PIEZO2: variants seen among roughly 807,000 people sequenced by gnomAD.
PIEZO2 encodes piezo-type mechanosensitive ion channel component 2.
In PIEZO2, 172 loss-of-function variants were observed where a neutral mutation model predicts 337.3. The ratio of observed to expected loss-of-function variants is 0.51; its 90% CI spans 0.45 to 0.58. The LOEUF is 0.58. Ranked by LOEUF, PIEZO2 falls within the 20% of genes least tolerant of loss-of-function variation. The pLI, the probability that PIEZO2 is intolerant of heterozygous loss-of-function variation, is 0.00. For synonymous variants in PIEZO2, 1,251 were observed against 1,228.5 expected, an observed-to-expected ratio of 1.02 and a Z score of -0.38; for missense variants, 3,028 against 3,391.3, an observed-to-expected ratio of 0.89 and a Z score of 2.66.
At chr18:10,787,988 C>G (rs2050632803) in intron 15 of PIEZO2, among the ~76,000 whole-genome samples, 1 of 152,120 alleles carries the variant, frequency 6.6e-6, no homozygotes, top group Non-Finnish European at 1.5e-5. Flanking sequence ...ACACAAAGAG[C>G]AGGCACATGC....
At chr18:10,915,728 C>A (rs1056427910) in intron 3 of PIEZO2, among the ~76,000 whole-genome samples, 8 of 152,144 alleles carry the variant, frequency 5.3e-5, no homozygotes, top group Non-Finnish European at 1.0e-4. Flanking sequence ...GACCCCAAGG[C>A]CAATGTTCTT....
At chr18:10,730,598 T>C (rs2036724356) in intron 36 of PIEZO2, among the ~76,000 whole-genome samples, 1 of 152,248 alleles carries the variant, frequency 6.6e-6, no homozygotes, top group South Asian at 2.1e-4. Context: ...GATGTGTTTA[T>C]ATCATGTTTT....
At chr18:10,804,959 C>G (rs1257631803) in intron 8 of PIEZO2, among the ~76,000 whole-genome samples, 2 of 152,148 alleles carry the variant, frequency 1.3e-5, no homozygotes, top group Non-Finnish European at 2.9e-5. Flanking sequence ...CCCTGCAGAC[C>G]TCGTGATTTA....
At chr18:11,140,522 T>G (rs1568409693) in intron 1 of PIEZO2, among the ~76,000 whole-genome samples, 1 of 152,226 alleles carries the variant, frequency 6.6e-6, no homozygotes, top group African/African-American at 2.4e-5. Context: ...ATCATGTTAT[T>G]TTGGAGTATA....
chr18:10,732,937 T>C (rs1030228758), intron 35 of PIEZO2, among the ~76,000 whole-genome samples: 1 of 152,220 alleles, frequency 6.6e-6, no homozygotes, highest in African/African-American at 2.4e-5. Context: ...TTTAAAAAAG[T>C]GTTATCACAA....
intron 3 of PIEZO2, among the ~76,000 whole-genome samples, chr18:10,922,664 T>A (rs1257533551): frequency 5.3e-5 from 8 of 151,662 alleles, no homozygotes; most frequent in Non-Finnish European, 1.0e-4. Flanking sequence ...TGTCCTGGGG[T>A]CAGATGTGCA....
intron 36 of PIEZO2, among the ~76,000 whole-genome samples, chr18:10,719,963 C>T (rs985100649): frequency 1.3e-5 from 2 of 151,932 alleles, no homozygotes; most frequent in Admixed American, 1.3e-4. Flanking sequence ...GAGGCTAGAA[C>T]ATTTATAATT....
chr18:11,077,229 T>A lies in PIEZO2; in HGVS notation c.65-11007A>T, dbSNP rs987255647. On this transcript the variant is annotated intron_variant, in intron 1 of 55. Transcript: ENST00000674853. This position sits in a 1 kb window ranked among gnomAD's most constrained non-coding sequence, Gnocchi z 4.8. ...AATAATTAGGGGGCCAACTGGGAGC[T>A]AAGAAAAGGTCAAATATTAAAACTG... Among the ~76,000 whole-genome samples the A allele has an allele frequency of 1.3e-5, 2 of 152,198 alleles. No homozygotes were observed. The highest frequency in any genetic ancestry group is 2.9e-5 in the Non-Finnish European group (2 of 68,034).
chr18:11,133,814 A>ATC, intron 1 of PIEZO2, among the ~76,000 whole-genome samples: 1 of 150,906 alleles, frequency 6.6e-6, no homozygotes, highest in East Asian at 1.9e-4. Flanking sequence ...GTGTGTATAT[A>ATC]TATATATATA....
rs141032288 is a variant in PIEZO2 at position 10,715,228 on chromosome 18, C to T, written c.5257-298G>A. 2.2e-3 allele frequency among the ~76,000 whole-genome samples: 330 copies of T among 152,292 alleles called. 3 individuals are homozygous for T. Among genetic ancestry groups the T allele is most frequent in the African/African-American group, 7.1e-3 (294 of 41,558 alleles). On this transcript the variant is annotated intron_variant, in intron 38 of 55. Transcript: ENST00000674853. ...TTAAACCATATATTTTGTTATTCTG[C>T]GTATGTCCTACTTTTTATTATAAAA...
Position 10,722,392 on chromosome 18 carries a change from A to G in PIEZO2, c.5030-4133T>C, listed in dbSNP as rs9958659. On this transcript the variant is annotated intron_variant, in intron 36 of 55. Coordinates refer to ENST00000674853, the MANE Select transcript of PIEZO2 (RefSeq NM_001378183.1). ...ATTACAGGTGCGTGCCACCATGTCC[A>G]GATAATTTTTTGTATTTTTAGTAGA... 3.0e-3 allele frequency among the ~76,000 whole-genome samples: 453 copies of G among 152,076 alleles called. 3 individuals carry two copies. Among genetic ancestry groups the G allele is most frequent in the African/African-American group, 0.011 (439 of 41,508 alleles).
At chr18:10,869,326 T>C (rs1157792) in intron 5 of PIEZO2, among the ~76,000 whole-genome samples, 52,612 of 152,020 alleles carry the variant, frequency 0.35, 9,175 homozygotes, top group South Asian at 0.37. Context: ...TCTATAGTTA[T>C]TATTTATGAG....
rs8095511 is a variant in PIEZO2 at position 10,945,537 on chromosome 18, C to T, written c.286+33998G>A. Reference sequence around the variant, plus strand: ...ACAAAACACCCCCAAGAGATCAAAACATTTCCAAATAACTTAACTGCATTT... The same window carrying T: ...ACAAAACACCCCCAAGAGATCAAAATATTTCCAAATAACTTAACTGCATTT... On this transcript the variant is annotated intron_variant, in intron 3 of 55. Transcript: ENST00000674853. The surrounding 1 kb of genome is among the most constrained non-coding windows in gnomAD (Gnocchi z 4.0). Among the ~76,000 whole-genome samples the T allele has an allele frequency of 0.046, 7,032 of 152,224 alleles. 542 individuals are homozygous for T. Among genetic ancestry groups the T allele is most frequent in the African/African-American group, 0.16 (6,505 of 41,510 alleles).
At position 10,765,588 on chromosome 18, in the gene PIEZO2, A is replaced by G. The variant is rs138883996; in HGVS notation, c.2947-2490T>C. On this transcript the variant is annotated intron_variant, in intron 21 of 55. Coordinates refer to ENST00000674853, the MANE Select transcript of PIEZO2 (RefSeq NM_001378183.1). ...ATCTGTAAGAGTAATCTAAAGGGCA[A>G]TGGAGGCAGAGGGAGTGAGTAGGAC... Among the ~76,000 whole-genome samples, 466 of 152,332 alleles carry G rather than the reference A, an allele frequency of 3.1e-3. 2 individuals are homozygous for G. The highest frequency in any genetic ancestry group is 4.5e-3 in the Non-Finnish European group (304 of 68,032).
chr18:11,068,742 T>A (rs1217721446), intron 1 of PIEZO2, among the ~76,000 whole-genome samples: 3 of 152,138 alleles, frequency 2.0e-5, no homozygotes, highest in African/African-American at 7.2e-5. Flanking sequence ...AACAAAACTA[T>A]GAGTTGGTTT....
chr18:10,715,345 C>T (rs564400948), intron 38 of PIEZO2, among the ~76,000 whole-genome samples: 1 of 152,306 alleles, frequency 6.6e-6, no homozygotes, highest in African/African-American at 2.4e-5. Context: ...CTATAATTCT[C>T]TATTAGATAT....
intron 1 of PIEZO2, among the ~76,000 whole-genome samples, chr18:11,107,239 C>T (rs2039597281): frequency 6.6e-6 from 1 of 152,150 alleles, no homozygotes; most frequent in East Asian, 1.9e-4. Context: ...GAACAGTGCA[C>T]AGCATGTCAT....
At chr18:10,885,118 C>A (rs1377838840) in intron 4 of PIEZO2, among the ~76,000 whole-genome samples, 1 of 152,088 alleles carries the variant, frequency 6.6e-6, no homozygotes, top group Admixed American at 6.5e-5. Flanking sequence ...ACGTGTGTGG[C>A]AAGCTCAGCA....
At position 10,862,586 on chromosome 18, in the gene PIEZO2, A is replaced by G. The variant is rs1265710363; in HGVS notation, c.493-5375T>C. 1.3e-5 allele frequency among the ~76,000 whole-genome samples: 2 copies of G among 152,164 alleles called. No individual in the cohort carries two copies. The highest frequency in any genetic ancestry group is 2.4e-5 in the African/African-American group (1 of 41,446). ...CACTTTTGGTAGGACACAAACATCC[A>G]TGTTTCATTACTCCCAAGCACTCTA... is the stretch of plus-strand genomic sequence containing the variant. On this transcript the variant is annotated intron_variant, in intron 5 of 55. Transcript: ENST00000674853. This position sits in a 1 kb window ranked among gnomAD's most constrained non-coding sequence, Gnocchi z 4.4.
Sources: allele counts gnomAD v4.1 joint callset (sites outside exome capture counted in the v4.1 genomes callset), GRCh38; gene constraint gnomAD v4.1.1; non-coding constraint Gnocchi (gnomAD v3.1); transcripts MANE v1.5; gene names NCBI Gene and HGNC (gene_info 2026-07-23, HGNC 2026-07-21).